MYO5B: variants seen among roughly 807,000 people sequenced by gnomAD.
MYO5B encodes the protein unconventional myosin-Vb.
Under a neutral mutation model 229.3 loss-of-function variants are expected in MYO5B, and 143 were observed. The ratio of observed to expected loss-of-function variants is 0.62; its 90% confidence interval spans 0.54 to 0.72. The LOEUF is 0.72. Among genes scored for constraint, MYO5B ranks in the 30% least tolerant of loss-of-function variants. The probability of loss-of-function intolerance (pLI) is 0.00; values close to 1 mark genes in which losing one functional copy is unlikely to be tolerated. For missense variants in MYO5B, 2,321 were observed against 2,331.0 expected (o/e 1.00, Z 0.09); for synonymous variants, 918 against 885.2 (o/e 1.04, Z -0.66).
intron 1 of MYO5B, among the ~76,000 whole-genome samples, chr18:50,108,444 A>G (rs752396097): frequency 6.6e-6 from 1 of 152,220 alleles, no homozygotes; most frequent in Non-Finnish European, 1.5e-5. Flanking sequence ...ACAAACCACA[A>G]TGTATTTGTT....
intron 9 of MYO5B, among the ~76,000 whole-genome samples, chr18:49,978,447 T>TC (rs2025777437): frequency 6.6e-6 from 1 of 151,950 alleles, no homozygotes; most frequent in Admixed American, 6.6e-5. Flanking sequence ...GTCCACGGAC[T>TC]CCCCAGCCCT....
intron 1 of MYO5B, among the ~76,000 whole-genome samples, chr18:50,180,735 C>T (rs2033062214): frequency 1.3e-5 from 2 of 152,160 alleles, no homozygotes; most frequent in African/African-American, 4.8e-5. Context: ...TGAATTTGAC[C>T]ATTCTAGATA....
At chr18:50,146,453 C>G (rs911861641) in intron 1 of MYO5B, among the ~76,000 whole-genome samples, 1 of 152,184 alleles carries the variant, frequency 6.6e-6, no homozygotes. Context: ...TCAGTGCAGT[C>G]AGGAGACTGG....
At chr18:50,084,174 A>G (rs372884156) in intron 1 of MYO5B, among the ~76,000 whole-genome samples, 7 of 152,048 alleles carry the variant, frequency 4.6e-5, no homozygotes, top group Admixed American at 3.9e-4. Context: ...GCAAAATGAA[A>G]AGAAGACTCT....
intron 1 of MYO5B, among the ~76,000 whole-genome samples, chr18:50,166,523 C>T (rs1481938995): frequency 1.3e-5 from 2 of 152,156 alleles, no homozygotes; most frequent in East Asian, 1.9e-4. Context: ...GACCTTAAAG[C>T]TATTACAGTT....
In MYO5B at chr18:49,837,604, T is replaced by A. The variant is rs766862373; in HGVS notation, c.5051A>T (p.Gln1684Leu). 1 of 1,613,864 alleles carries A rather than the reference T, an allele frequency of 6.2e-7. No homozygotes were observed. ...CACTGCGTTGATCATGTAGAAGAGCTGTTTGAATACCTGCAGGATGATCTC... is the reference window on the plus strand; with the variant it reads ...CACTGCGTTGATCATGTAGAAGAGCAGTTTGAATACCTGCAGGATGATCTC... Reference protein sequence around the residue: ...DPEIILQVFKQLFYMINAVTL... With the variant: ...DPEIILQVFKLLFYMINAVTL... Residue 1684 changes from glutamine to leucine, a missense_variant, in exon 37 of 40, where the codon CAG becomes CTG. Transcript: ENST00000285039.
chr18:50,117,683 C>G (rs1358905554), intron 1 of MYO5B, among the ~76,000 whole-genome samples: 1 of 151,996 alleles, frequency 6.6e-6, no homozygotes, highest in Non-Finnish European at 1.5e-5. Context: ...CCAGCAATTC[C>G]CAGCACAGCA....
chr18:49,960,214 A>G (rs901380419), intron 12 of MYO5B, among the ~76,000 whole-genome samples: 30 of 152,140 alleles, frequency 2.0e-4, no homozygotes, highest in South Asian at 2.1e-4. Context: ...CATGAGTCCA[A>G]TCCTTCATCT....
At chr18:49,987,207 A>T (rs2025879812) in intron 7 of MYO5B, among the ~76,000 whole-genome samples, 1 of 152,100 alleles carries the variant, frequency 6.6e-6, no homozygotes, top group South Asian at 2.1e-4. Flanking sequence ...CAACTTCCTC[A>T]GACTGAGGCT....
intron 32 of MYO5B, among the ~76,000 whole-genome samples, chr18:49,848,481 G>A (rs571094902): frequency 1.1e-3 from 165 of 152,348 alleles, no homozygotes; most frequent in African/African-American, 3.8e-3. Context: ...CCTAGTGGCT[G>A]AAGGGAGGCT....
At chr18:49,827,145 A>G (rs1309764957) in intron 39 of MYO5B, among the ~76,000 whole-genome samples, 1 of 152,248 alleles carries the variant, frequency 6.6e-6, no homozygotes, top group Non-Finnish European at 1.5e-5. Flanking sequence ...ATTGTCAACT[A>G]TCTCATAACT....
intron 1 of MYO5B, among the ~76,000 whole-genome samples, chr18:50,101,419 A>G (rs2031652739): frequency 6.6e-6 from 1 of 152,204 alleles, no homozygotes; most frequent in Admixed American, 6.5e-5. Context: ...AGGCATATTG[A>G]TTGACACATA....
At chr18:50,028,055 T>G (rs2026349870) in intron 4 of MYO5B, among the ~76,000 whole-genome samples, 2 of 152,110 alleles carry the variant, frequency 1.3e-5, no homozygotes, top group African/African-American at 2.4e-5. Flanking sequence ...ACAAGAAAAC[T>G]TTCAGGATTA....
In MYO5B at chr18:50,082,928, A is replaced by G. The variant is rs373098368; in HGVS notation, c.28-27550T>C. Among the ~76,000 whole-genome samples the G allele has an allele frequency of 1.5e-4, 23 of 152,230 alleles. 1 individual carries two copies. Among genetic ancestry groups the G allele is most frequent in the Non-Finnish European group, 3.1e-4 (21 of 68,022 alleles). The stretch of plus-strand genomic sequence containing the variant: ...AACTGGGTGTTCCTCCTAAAATTCA[A>G]TTCTAACACTAACCACCTGGAGACC... On this transcript the variant is annotated intron_variant, in intron 1 of 39. Transcript: ENST00000285039.
At chr18:50,149,971 C>T (rs2032570573) in intron 1 of MYO5B, among the ~76,000 whole-genome samples, 1 of 145,396 alleles carries the variant, frequency 6.9e-6, no homozygotes, top group Non-Finnish European at 1.5e-5. Context: ...ACAATGAACT[C>T]AAACAAATTT....
chr18:49,917,013 G>A (rs1186601557), intron 17 of MYO5B, among the ~76,000 whole-genome samples: 2 of 152,166 alleles, frequency 1.3e-5, no homozygotes, highest in African/African-American at 4.8e-5. Context: ...CCTAAAGCTG[G>A]AACAGCCCAC....
intron 17 of MYO5B, among the ~76,000 whole-genome samples, chr18:49,927,392 C>CA (rs927656509): frequency 2.0e-5 from 3 of 150,822 alleles, no homozygotes; most frequent in African/African-American, 7.3e-5. Flanking sequence ...CATATGGAAC[C>CA]AAAAAAGAGC....
chr18:50,043,519 G>A (rs1226490953), intron 2 of MYO5B, among the ~76,000 whole-genome samples: 4 of 86,754 alleles, frequency 4.6e-5, no homozygotes, highest in East Asian at 3.2e-4. Flanking sequence ...ATATTTATAA[G>A]TATATAAATA....
chr18:49,894,652 G>A (rs2024756182), intron 22 of MYO5B, among the ~76,000 whole-genome samples: 1 of 152,212 alleles, frequency 6.6e-6, no homozygotes, highest in Admixed American at 6.5e-5. Context: ...CACAGAGCCA[G>A]CCCTGGGCCT....
Sources: gnomAD v4.1 joint callset for allele counts (sites outside exome capture counted in the v4.1 genomes callset) on GRCh38, gnomAD v4.1.1 for gene constraint, MANE v1.5 for transcripts, NCBI Gene and HGNC (gene_info 2026-07-23, HGNC 2026-07-21) for gene names.